The following ZWILCH variants were observed in gnomAD, a reference collection of about 807,000 sequenced individuals.
ZWILCH encodes the protein protein zwilch homolog.
In ZWILCH, 74 loss-of-function variants were observed where a neutral mutation model predicts 79.9. The observed-to-expected ratio is 0.93, with a 90% CI of 0.77 to 1.12. The LOEUF (loss-of-function observed/expected upper bound fraction) is 1.12, where lower values mean the gene tolerates loss of function less well. ZWILCH is among the 50% of genes most tolerant of loss of function. The probability of loss-of-function intolerance (pLI) is 0.00; values close to 1 mark genes in which losing one functional copy is unlikely to be tolerated. For synonymous variants in ZWILCH, 241 were observed against 228.2 expected (o/e 1.06, Z -0.51); for missense variants, 694 against 687.5 (o/e 1.01, Z -0.11).
chr15:66,528,250 T>G (rs531379359), intron 10 of ZWILCH, among the ~76,000 whole-genome samples: 63 of 152,294 alleles, frequency 4.1e-4, no homozygotes, highest in African/African-American at 1.5e-3. Context: ...ACTACTGGTG[T>G]GCACCACCAT....
At chr15:66,527,481 C>A in intron 9 of ZWILCH, 98 bp downstream of exon 9, 1 of 989,228 alleles carries the variant, frequency 1.0e-6, no homozygotes, top group Non-Finnish European at 1.5e-6. Context: ...GGAATATATA[C>A]AAAGCTATGA....
At chr15:66,545,152 T>TG (rs1182482708) in intron 17 of ZWILCH, among the ~76,000 whole-genome samples, 1 of 151,580 alleles carries the variant, frequency 6.6e-6, no homozygotes, top group Non-Finnish European at 1.5e-5. Flanking sequence ...CAGGAGTTCG[T>TG]GACCAGCCTG....
At chr15:66,520,314 T>C (rs1288716889) in intron 5 of ZWILCH, among the ~76,000 whole-genome samples, 2 of 151,830 alleles carry the variant, frequency 1.3e-5, no homozygotes, top group Non-Finnish European at 2.9e-5. Context: ...AGAGACAGGG[T>C]CTTGCTATGT....
intron 17 of ZWILCH, among the ~76,000 whole-genome samples, chr15:66,544,724 T>TTTTTGTGTGTGTGTG (rs145952622): frequency 8.1e-4 from 104 of 128,542 alleles, no homozygotes; most frequent in African/African-American, 3.0e-3. Flanking sequence ...TTTTTGGTTT[T>TTTTTGTGTGTGTGTG]TGTGTGTGTG....
intron 18 of ZWILCH, 75 bp downstream of exon 18, chr15:66,546,780 T>TG: frequency 1.4e-6 from 1 of 695,796 alleles, no homozygotes; most frequent in Non-Finnish European, 2.2e-6. Context: ...CTTTCTACAT[T>TG]ATCAATGTCG....
chr15:66,537,065 G>A, intron 15 of ZWILCH, 103 bp from the exon 16 acceptor site: 2 of 724,776 alleles, frequency 2.8e-6, no homozygotes, highest in South Asian at 1.8e-5. Flanking sequence ...GTTTTAGTTA[G>A]TAGTACTCAA....
At chr15:66,515,406 T>G in intron 3 of ZWILCH, 120 bp from the exon 4 acceptor site, 1 of 677,380 alleles carries the variant, frequency 1.5e-6, no homozygotes, top group Non-Finnish European at 2.5e-6. Flanking sequence ...CATTTGTGCT[T>G]AAGGGTATAA....
intron 17 of ZWILCH, among the ~76,000 whole-genome samples, chr15:66,544,969 C>T (rs1333507937): frequency 1.3e-5 from 2 of 151,620 alleles, no homozygotes; most frequent in Non-Finnish European, 2.9e-5. Context: ...GTCTCAAACT[C>T]CTGACCTCAT....
At position 66,521,187 on chromosome 15, in the gene ZWILCH, C is replaced by G. The variant is rs759946339; in HGVS notation, c.729C>G (p.Leu243=). ...PVDEILQIPP[L]SSTATLNIKV... ...ATGAGATTCTTCAAATCCCTCCACT[C>G]TCTTCAACTGCAACTCTGGTAAGAG... Residue 243 remains leucine, a synonymous_variant, in exon 7 of 19, where the codon CTC becomes CTG. Coordinates refer to ENST00000307897, the MANE Select transcript of ZWILCH (RefSeq NM_017975.5). The G allele has an allele frequency of 1.2e-6, 2 of 1,612,296 alleles. No homozygotes were observed. Among genetic ancestry groups the G allele is most frequent in the East Asian group, 2.2e-5 (1 of 44,884 alleles).
intron 12 of ZWILCH, among the ~76,000 whole-genome samples, chr15:66,531,112 A>C (rs1470064640): frequency 6.6e-6 from 1 of 152,262 alleles, no homozygotes; most frequent in Non-Finnish European, 1.5e-5. Flanking sequence ...ATCATTTAAC[A>C]TTTGGAACAC....
Position 66,505,367 on chromosome 15 carries a change from A to T in ZWILCH, c.29A>T (p.Glu10Val), listed in dbSNP as rs199667793. ...TGGGAGCGGCTGAACTGCGCAGCAG[A>T]GGACTTTTATTCTCGTCTCCTTCAG... MWERLNCAA[E>V]DFYSRLLQKF... The change falls in exon 1 of 19, where the codon GAG (glutamate) becomes GTG (valine). Residue 10 changes from glutamate (E) to valine (V), a missense_variant. Transcript: ENST00000307897. 2.5e-5 allele frequency: 41 copies of T among 1,614,168 alleles called. 1 individual carries two copies. The East Asian group carries it at 8.2e-4, about 32-fold the overall frequency.
chr15:66,536,045 A>G lies in ZWILCH; in HGVS notation c.1454A>G (p.His485Arg). Residue 485 changes from histidine to arginine, a missense_variant, in exon 15 of 19, where the codon CAT (histidine) becomes CGT (arginine). Coordinates refer to ENST00000307897, the MANE Select transcript of ZWILCH (RefSeq NM_017975.5). ...VSCMPFIKSQ[H>R]ELLFSLTQIC... ...TGCATGCCTTTCATTAAATCTCAAC[A>G]TGAACTCCTCTTTTCTTTAACACAG... is the stretch of plus-strand genomic sequence containing the variant. 1.2e-6 allele frequency: 2 copies of G among 1,609,422 alleles called. No homozygotes were observed.
chr15:66,538,402 G>A (rs1895080407), intron 16 of ZWILCH, among the ~76,000 whole-genome samples: 1 of 147,898 alleles, frequency 6.8e-6, no homozygotes, highest in South Asian at 2.1e-4. Context: ...TTTTTTTTTA[G>A]ACAGAGTTTC....
At chr15:66,517,426 G>GTATATATATATATATATA (rs1894311535) in intron 4 of ZWILCH, among the ~76,000 whole-genome samples, 2 of 25,076 alleles carry the variant, frequency 8.0e-5, no homozygotes, top group African/African-American at 7.3e-4. Flanking sequence ...GCGTGTGTGT[G>GTATATATATATATATATA]TGTGTATATA....
chr15:66,529,446 T>A, intron 11 of ZWILCH, 48 bp from the exon 12 acceptor site: 1 of 1,298,020 alleles, frequency 7.7e-7, no homozygotes, highest in Non-Finnish European at 1.1e-6. Flanking sequence ...ATATATTTGA[T>A]CTGTAGAAAT....
chr15:66,539,533 G>A (rs1895127428), intron 16 of ZWILCH, among the ~76,000 whole-genome samples: 1 of 151,720 alleles, frequency 6.6e-6, no homozygotes, highest in African/African-American at 2.4e-5. Context: ...TACCTGGACT[G>A]TGGTAAAATC....
At chr15:66,525,609 G>A (rs1894642465) in intron 8 of ZWILCH, among the ~76,000 whole-genome samples, 1 of 152,014 alleles carries the variant, frequency 6.6e-6, no homozygotes, top group African/African-American at 2.4e-5. Context: ...GGCACTATTG[G>A]CATTTGGGCA....
intron 4 of ZWILCH, among the ~76,000 whole-genome samples, chr15:66,518,474 G>T (rs986662938): frequency 6.6e-6 from 1 of 151,960 alleles, no homozygotes; most frequent in African/African-American, 2.4e-5. Flanking sequence ...TAGAGATGGG[G>T]TTTCACCGTG....
intron 16 of ZWILCH, 102 bp downstream of exon 16, chr15:66,537,365 C>A: frequency 3.9e-6 from 3 of 769,724 alleles, no homozygotes; most frequent in Non-Finnish European, 6.5e-6. Context: ...CGAGACCAGC[C>A]TGGGCAACAT....
Sources: allele counts gnomAD v4.1 joint callset (sites outside exome capture counted in the v4.1 genomes callset), GRCh38; gene constraint gnomAD v4.1.1; transcripts MANE v1.5; gene names NCBI Gene and HGNC (gene_info 2026-07-23, HGNC 2026-07-21).